Variants in PRKCA observed in about 807,000 individuals in gnomAD.
PRKCA encodes protein kinase C alpha, also known as protein kinase C alpha type.
Under a neutral mutation model 87.0 loss-of-function variants are expected in PRKCA, and 27 were observed. That is an observed-to-expected ratio of 0.31 (90% CI 0.23 to 0.43). PRKCA has a LOEUF of 0.43. Among genes scored for constraint, PRKCA ranks in the 20% least tolerant of loss-of-function variants. The probability of loss-of-function intolerance (pLI) is 1.00; values close to 1 mark genes in which losing one functional copy is unlikely to be tolerated. For synonymous variants in PRKCA, 329 were observed against 311.1 expected (o/e 1.06, Z -0.61); for missense variants, 518 against 852.3 (o/e 0.61, Z 4.88).
At chr17:66,441,106 G>T (rs1160006532) in intron 2 of PRKCA, among the ~76,000 whole-genome samples, 1 of 146,902 alleles carries the variant, frequency 6.8e-6, no homozygotes, top group African/African-American at 2.6e-5. Context: ...ATGTTGCATT[G>T]AGCCCAGATC....
intron 2 of PRKCA, among the ~76,000 whole-genome samples, chr17:66,422,001 G>T (rs761913669): frequency 1.6e-4 from 24 of 152,070 alleles, no homozygotes; most frequent in Non-Finnish European, 2.8e-4. Context: ...TCAGCAGGGG[G>T]TTGGTTTTGT....
At chr17:66,470,119 C>T (rs1915256262) in intron 2 of PRKCA, among the ~76,000 whole-genome samples, 1 of 151,230 alleles carries the variant, frequency 6.6e-6, no homozygotes, top group East Asian at 1.9e-4. Flanking sequence ...GAAATGAAAC[C>T]TCAGGGTCAC....
At chr17:66,372,501 T>C (rs961667973) in intron 2 of PRKCA, among the ~76,000 whole-genome samples, 12 of 152,244 alleles carry the variant, frequency 7.9e-5, no homozygotes, top group Admixed American at 7.9e-4. Context: ...ACGCAAAATT[T>C]AAGAAACTTT....
At chr17:66,559,311 A>C (rs1257693538) in intron 3 of PRKCA, among the ~76,000 whole-genome samples, 1 of 151,482 alleles carries the variant, frequency 6.6e-6, no homozygotes, top group Non-Finnish European at 1.5e-5. Flanking sequence ...TCTCTCCTAA[A>C]AATACAAAAA....
At chr17:66,431,511 A>G (rs1258451553) in intron 2 of PRKCA, among the ~76,000 whole-genome samples, 3 of 152,180 alleles carry the variant, frequency 2.0e-5, no homozygotes, top group Admixed American at 2.0e-4. Context: ...CCTGTGGCTC[A>G]TGATCCAAAT....
chr17:66,462,760 T>C (rs1268087995), intron 2 of PRKCA, among the ~76,000 whole-genome samples: 3 of 152,118 alleles, frequency 2.0e-5, no homozygotes, highest in African/African-American at 7.2e-5. Context: ...TCTATAAAAA[T>C]GTTGAATATG....
intron 2 of PRKCA, among the ~76,000 whole-genome samples, chr17:66,448,567 A>T (rs1233797213): frequency 6.6e-6 from 1 of 152,176 alleles, no homozygotes; most frequent in African/African-American, 2.4e-5. Context: ...AGTATATATT[A>T]AAATAAAGTC....
At chr17:66,579,751 G>C (rs1969361274) in intron 3 of PRKCA, among the ~76,000 whole-genome samples, 1 of 152,204 alleles carries the variant, frequency 6.6e-6, no homozygotes, top group Non-Finnish European at 1.5e-5. Context: ...GGGCCATGGA[G>C]ATGGTTTAGG....
At chr17:66,429,477 G>C (rs191955713) in intron 2 of PRKCA, among the ~76,000 whole-genome samples, 1 of 152,294 alleles carries the variant, frequency 6.6e-6, no homozygotes, top group East Asian at 1.9e-4. Context: ...CTACTTCACT[G>C]TGGTTTGATT....
At chr17:66,522,722 T>C (rs1435895741) in intron 3 of PRKCA, among the ~76,000 whole-genome samples, 1 of 151,660 alleles carries the variant, frequency 6.6e-6, no homozygotes, top group Non-Finnish European at 1.5e-5. Flanking sequence ...AAAACCATAG[T>C]GTCTGTTCTG....
intron 8 of PRKCA, among the ~76,000 whole-genome samples, chr17:66,702,228 A>G (rs1255737193): frequency 6.6e-6 from 1 of 152,020 alleles, no homozygotes. Flanking sequence ...GTGTATATGT[A>G]TATATAATTG....
chr17:66,789,040 C>T, intron 16 of PRKCA, 61 bp downstream of exon 16: 7 of 1,597,044 alleles, frequency 4.4e-6, no homozygotes, highest in Non-Finnish European at 6.0e-6. Flanking sequence ...GGGAGTATCC[C>T]ACTCACCTCT....
chr17:66,500,143 C>T (rs1916666305), intron 3 of PRKCA, among the ~76,000 whole-genome samples: 1 of 152,190 alleles, frequency 6.6e-6, no homozygotes, highest in African/African-American at 2.4e-5. Context: ...AGCAAAAAGG[C>T]ACCATCCAGG....
chr17:66,618,774 G>A (rs1251972870), intron 3 of PRKCA, among the ~76,000 whole-genome samples: 2 of 152,182 alleles, frequency 1.3e-5, no homozygotes, highest in African/African-American at 4.8e-5. Context: ...GGTTAGGCTG[G>A]GAACATAGAC....
chr17:66,572,426 C>T (rs941394224), intron 3 of PRKCA, among the ~76,000 whole-genome samples: 3 of 152,028 alleles, frequency 2.0e-5, no homozygotes, highest in African/African-American at 7.2e-5. Context: ...AAGATTGCAC[C>T]ATGACACTCC....
intron 13 of PRKCA, among the ~76,000 whole-genome samples, chr17:66,773,023 G>A (rs531793947): frequency 1.3e-5 from 2 of 152,212 alleles, no homozygotes; most frequent in South Asian, 2.1e-4. Context: ...AAGAGACAGA[G>A]TCTTGCTACG....
At chr17:66,318,048 T>C (rs1356619440) in intron 2 of PRKCA, among the ~76,000 whole-genome samples, 1 of 152,226 alleles carries the variant, frequency 6.6e-6, no homozygotes, top group Non-Finnish European at 1.5e-5. Context: ...ATAGGTGGGC[T>C]TCAAAATAAG....
intron 13 of PRKCA, among the ~76,000 whole-genome samples, chr17:66,761,819 A>C (rs1326384256): frequency 3.3e-5 from 5 of 152,108 alleles, no homozygotes; most frequent in Non-Finnish European, 7.4e-5. Context: ...GATCTTGGAT[A>C]TCGTATCTTA....
intron 2 of PRKCA, among the ~76,000 whole-genome samples, chr17:66,451,286 A>G (rs1914297388): frequency 6.6e-6 from 1 of 152,176 alleles, no homozygotes; most frequent in South Asian, 2.1e-4. Flanking sequence ...TATTCTAATG[A>G]TTGAATATAA....
Sources: allele counts gnomAD v4.1 joint callset (sites outside exome capture counted in the v4.1 genomes callset), GRCh38; gene constraint gnomAD v4.1.1; transcripts MANE v1.5; gene names NCBI Gene and HGNC (gene_info 2026-07-23, HGNC 2026-07-21).